The following ALPI variants were observed in gnomAD, a reference collection of about 807,000 sequenced individuals.
The protein encoded by ALPI is intestinal-type alkaline phosphatase.
In ALPI, 50 loss-of-function variants were observed where a neutral mutation model predicts 51.5. That is an observed-to-expected ratio of 0.97 (90% CI 0.77 to 1.23). ALPI has a LOEUF of 1.23. Among genes scored for constraint, ALPI ranks in the 50% most tolerant of loss-of-function variants. The pLI, the probability that ALPI is intolerant of heterozygous loss-of-function variation, is 0.00. For synonymous variants in ALPI, 322 were observed against 308.2 expected (o/e 1.04, Z -0.47); for missense variants, 692 against 722.4 (o/e 0.96, Z 0.48).
Position 232,456,857 on chromosome 2 carries a change from G to A in ALPI, c.301-42G>A, listed in dbSNP as rs1187714146. The A allele has an allele frequency of 1.9e-6, 3 of 1,609,084 alleles. No homozygotes were observed. Among genetic ancestry groups the A allele is most frequent in the Non-Finnish European group, 2.5e-6 (3 of 1,177,422 alleles). On this transcript the variant is annotated intron_variant, in intron 3 of 10. Transcript: ENST00000295463. The surrounding 1 kb of genome is among the most constrained non-coding windows in gnomAD (Gnocchi z 4.2). The stretch of plus-strand genomic sequence containing the variant: ...AACCAGGTCCTTGGTTGGGGTCTGG[G>A]TGTCCGCCCCGAAGTAGAGCTCAGG...
rs1204392379 is a variant in ALPI, at chr2:232,457,725, G to C, written c.783+26G>C. ...GTGATGGGGGCTGGTGGGTGTGGGA[G>C]GCACGGCAGGGGGAGGCCAAGTGTG... On this transcript the variant is annotated intron_variant, in intron 6 of 10. Coordinates refer to ENST00000295463, the MANE Select transcript of ALPI (RefSeq NM_001631.5). The surrounding 1 kb of genome is among the most constrained non-coding windows in gnomAD (Gnocchi z 4.7). 1.2e-6 allele frequency: 2 copies of C among 1,610,722 alleles called. No individual in the cohort carries two copies. The highest frequency in any genetic ancestry group is 1.1e-5 in the South Asian group (1 of 90,780).
In ALPI at chr2:232,457,864, A is replaced by T; in HGVS notation, c.853A>T (p.Met285Leu). ...CCTGGACCAGTCTGTGACCCATCTC[A>T]TGGGTAATGACCCCCTTCCTGCCCT... Reference protein sequence around the residue: ...ASLDQSVTHLMGLFEPGDTKY... With the variant: ...ASLDQSVTHLLGLFEPGDTKY... Residue 285 changes from methionine to leucine, a missense_variant, in exon 7 of 11, where the codon ATG becomes TTG. Transcript: ENST00000295463. The surrounding 1 kb of genome is among the most constrained non-coding windows in gnomAD (Gnocchi z 4.7). 1 of 1,613,608 alleles carries T rather than the reference A, an allele frequency of 6.2e-7. No homozygotes were observed. The highest frequency in any genetic ancestry group is 8.5e-7 in the Non-Finnish European group (1 of 1,179,670).
Position 232,459,503 on chromosome 2 carries a change from A to C in ALPI, c.*357A>C. 7.4e-6 allele frequency: 2 copies of C among 269,300 alleles called. No individual in the cohort carries two copies. The highest frequency in any genetic ancestry group is 1.4e-5 in the Non-Finnish European group (2 of 141,086). 16.7% of individuals were successfully genotyped at this position (269,300 alleles called of 1,614,324 possible). On this transcript the variant is annotated 3_prime_UTR_variant, in exon 11 of 11. Transcript: ENST00000295463. Reference sequence around the variant, plus strand: ...CCAACCCCCACCCTGCCTCTATCCTAAGGAAGACCAAGCAGGCCTGGACCC... The same window carrying C: ...CCAACCCCCACCCTGCCTCTATCCTCAGGAAGACCAAGCAGGCCTGGACCC...
Position 232,459,542 on chromosome 2 carries a change from A to C in ALPI, c.*396A>C. ...AGGCCTGGACCCAGAGACGTCCCCC[A>C]TCGTGGGACACGACACACCCAGACC... On this transcript the variant is annotated 3_prime_UTR_variant, in exon 11 of 11. Transcript: ENST00000295463. 1 of 204,704 alleles carries C rather than the reference A, an allele frequency of 4.9e-6. No individual in the cohort carries two copies. The highest frequency in any genetic ancestry group is 9.8e-6 in the Non-Finnish European group (1 of 102,336). 12.7% of individuals were successfully genotyped at this position (204,704 alleles called of 1,614,324 possible). A position where few individuals can be genotyped will look rare whatever the true frequency, so the allele number is the denominator to read the frequency against.
In ALPI at chr2:232,457,258, C is replaced by T. The variant is rs765339631; in HGVS notation, c.584C>T (p.Ala195Val). 1.2e-6 allele frequency: 2 copies of T among 1,613,312 alleles called. No homozygotes were observed. The highest frequency in any genetic ancestry group is 1.3e-5 in the African/African-American group (1 of 74,930). The change falls in exon 5 of 11, where the codon GCC (alanine) becomes GTC (valine). Residue 195 changes from alanine to valine, a missense_variant. Physicochemically the swap from Ala to Val is moderately conservative, Grantham distance 64 (BLOSUM62 0). Coordinates refer to ENST00000295463, the MANE Select transcript of ALPI (RefSeq NM_001631.5). The surrounding 1 kb of genome is among the most constrained non-coding windows in gnomAD (Gnocchi z 4.7). ...RNWYSDADMP[A>V]SARQEGCQDI... ...TGGTACTCAGATGCTGACATGCCTG[C>T]CTCAGCCCGCCAGGAGGGGTGCCAG...
In ALPI at chr2:232,458,925, G is replaced by T. The variant is rs150732356; in HGVS notation, c.1366G>T (p.Val456Leu). 7 of 1,609,570 alleles carry T rather than the reference G, an allele frequency of 4.3e-6. No individual in the cohort carries two copies. The highest frequency in any genetic ancestry group is 1.7e-5 in the Admixed American group (1 of 59,624). ...LSSETHGGED[V>L]AVFARGPQAH... ...GTCCGAGACCCACGGAGGCGAAGAC[G>T]TGGCGGTGTTTGCGCGCGGCCCGCA... is the stretch of plus-strand genomic sequence containing the variant. Residue 456 changes from valine to leucine, a missense_variant, in exon 11 of 11, where the codon GTG becomes TTG. By Grantham distance (32) the Val-to-Leu change is conservative (BLOSUM62 1). Transcript: ENST00000295463.
chr2:232,456,712 C>T lies in ALPI; in HGVS notation c.300+17C>T. The T allele has an allele frequency of 4.4e-6, 7 of 1,581,626 alleles. No individual in the cohort carries two copies. Among genetic ancestry groups the T allele is most frequent in the Non-Finnish European group, 6.0e-6 (7 of 1,163,564 alleles). ...CTGTCCAAGGTAAGGGCTGGGCCAC[C>T]TCAGAGTCCTCCAAGCAGAGGAGAG... On this transcript the variant is annotated intron_variant, in intron 3 of 10. Transcript: ENST00000295463. This position sits in a 1 kb window ranked among gnomAD's most constrained non-coding sequence, Gnocchi z 4.2.
In ALPI at chr2:232,457,013, C is replaced by T. The variant is rs749694571; in HGVS notation, c.415C>T (p.Gln139Ter). ...CTTGAGTGCAGCCGCCCGCTTTAACCAGTGCAACACGACACGCGGCAATGA... is the reference window on the plus strand; with the variant it reads ...CTTGAGTGCAGCCGCCCGCTTTAACTAGTGCAACACGACACGCGGCAATGA... ...IGLSAAARFN[Q>*]CNTTRGNEVI... The change falls in exon 4 of 11, where the codon CAG becomes TAG. Residue 139 changes from glutamine to a stop codon, truncating the protein, a stop_gained. Coordinates refer to ENST00000295463, the MANE Select transcript of ALPI (RefSeq NM_001631.5). LOFTEE classifies it high-confidence loss of function. The surrounding 1 kb of genome is among the most constrained non-coding windows in gnomAD (Gnocchi z 4.7). 6.2e-7 allele frequency: 1 copy of T among 1,613,620 alleles called. No homozygotes were observed.
In ALPI at chr2:232,459,248, G is replaced by C. The variant is rs1364883565; in HGVS notation, c.*102G>C. The C allele has an allele frequency of 7.1e-7, 1 of 1,413,798 alleles. No homozygotes were observed. Among genetic ancestry groups the C allele is most frequent in the Non-Finnish European group, 9.3e-7 (1 of 1,070,454 alleles). 87.6% of individuals were successfully genotyped at this position (1,413,798 alleles called of 1,614,324 possible). On this transcript the variant is annotated 3_prime_UTR_variant, in exon 11 of 11. Coordinates refer to ENST00000295463, the MANE Select transcript of ALPI (RefSeq NM_001631.5). ...AGCGAACACACACAGGTGTCCTGCCGTTGGACCTTCACCTCCTAGAGATAA... is the reference window on the plus strand; with the variant it reads ...AGCGAACACACACAGGTGTCCTGCCCTTGGACCTTCACCTCCTAGAGATAA...
rs757332360 is a variant in ALPI at position 232,456,945 on chromosome 2, C to T, written c.347C>T (p.Thr116Met). 2.8e-5 allele frequency: 45 copies of T among 1,613,598 alleles called. No homozygotes were observed. The highest frequency in any genetic ancestry group is 1.5e-4 in the South Asian group (14 of 91,092). ...GTGCCAGACAGCGCAGCCACAGCCA[C>T]GGCCTACCTGTGCGGGGTCAAGGCC... Reference protein sequence around the residue: ...RQVPDSAATATAYLCGVKANF... With the variant: ...RQVPDSAATAMAYLCGVKANF... The change falls in exon 4 of 11, where the codon ACG (threonine) becomes ATG (methionine). Residue 116 changes from threonine to methionine, a missense_variant. Physicochemically the swap from Thr to Met is moderately conservative, Grantham distance 81. Coordinates refer to ENST00000295463, the MANE Select transcript of ALPI (RefSeq NM_001631.5). This position sits in a 1 kb window ranked among gnomAD's most constrained non-coding sequence, Gnocchi z 4.2.
At position 232,458,698 on chromosome 2, in the gene ALPI, G is replaced by A. The variant is rs1282800037; in HGVS notation, c.1250G>A (p.Gly417Asp). 3 of 1,613,894 alleles carry A rather than the reference G, an allele frequency of 1.9e-6. No individual in the cohort carries two copies. Among genetic ancestry groups the A allele is most frequent in the Non-Finnish European group, 2.5e-6 (3 of 1,180,040 alleles). ...YTSILYGNGP[G>D]YVFNSGVRPD... ...TCCATCCTGTACGGCAATGGCCCGG[G>A]CTACGTGTTCAACTCAGGCGTGCGA... is the stretch of plus-strand genomic sequence containing the variant. Residue 417 changes from glycine to aspartate, a missense_variant, in exon 10 of 11, where the codon GGC (glycine) becomes GAC (aspartate). Physicochemically the swap from Gly to Asp is moderately conservative, Grantham distance 94. Transcript: ENST00000295463.
chr2:232,456,853 C>T lies in ALPI; in HGVS notation c.301-46C>T, dbSNP rs1468702008. On this transcript the variant is annotated intron_variant, in intron 3 of 10. Coordinates refer to ENST00000295463, the MANE Select transcript of ALPI (RefSeq NM_001631.5). The surrounding 1 kb of genome is among the most constrained non-coding windows in gnomAD (Gnocchi z 4.2). Reference sequence around the variant, plus strand: ...CCAGAACCAGGTCCTTGGTTGGGGTCTGGGTGTCCGCCCCGAAGTAGAGCT... The same window carrying T: ...CCAGAACCAGGTCCTTGGTTGGGGTTTGGGTGTCCGCCCCGAAGTAGAGCT... The T allele has an allele frequency of 1.2e-6, 2 of 1,607,860 alleles. No homozygotes were observed. Among genetic ancestry groups the T allele is most frequent in the Non-Finnish European group, 1.7e-6 (2 of 1,176,788 alleles).
Position 232,456,514 on chromosome 2 carries a change from C to T in ALPI, c.184+49C>T, listed in dbSNP as rs778604684. The T allele has an allele frequency of 1.6e-5, 25 of 1,611,586 alleles. No individual in the cohort carries two copies. Among genetic ancestry groups the T allele is most frequent in the Admixed American group, 5.0e-5 (3 of 59,888 alleles). Reference sequence around the variant, plus strand: ...CCCCGTAGTCCTCACAGCCCCGGCACCCGGGACCTTCAGTGGTTCCAGGAC... The same window carrying T: ...CCCCGTAGTCCTCACAGCCCCGGCATCCGGGACCTTCAGTGGTTCCAGGAC... On this transcript the variant is annotated intron_variant, in intron 2 of 10. Coordinates refer to ENST00000295463, the MANE Select transcript of ALPI (RefSeq NM_001631.5). This position sits in a 1 kb window ranked among gnomAD's most constrained non-coding sequence, Gnocchi z 4.2.
rs1450636069 is a variant in ALPI at position 232,460,328 on chromosome 2, GA to G, written c.*1183del. Among the ~76,000 whole-genome samples the G allele has an allele frequency of 5.9e-5, 9 of 152,062 alleles. No individual in the cohort carries two copies. The highest frequency in any genetic ancestry group is 1.3e-4 in the Non-Finnish European group (9 of 68,024). The stretch of plus-strand genomic sequence containing the variant: ...CATGGGGGACTGTGAAGTCTGGTTA[GA>G]GGGGTGTGGTTGGAGGTCTTTGAGG... On this transcript the variant is annotated 3_prime_UTR_variant, in exon 11 of 11. Coordinates refer to ENST00000295463, the MANE Select transcript of ALPI (RefSeq NM_001631.5).
At position 232,456,969 on chromosome 2, in the gene ALPI, C is replaced by T. The variant is rs771730709; in HGVS notation, c.371C>T (p.Ala124Val). The change falls in exon 4 of 11, where the codon GCC (alanine) becomes GTC (valine). Residue 124 changes from alanine (A) to valine (V), a missense_variant. By Grantham distance (64) the Ala-to-Val change is moderately conservative. Transcript: ENST00000295463. The surrounding 1 kb of genome is among the most constrained non-coding windows in gnomAD (Gnocchi z 4.2). ...ACGGCCTACCTGTGCGGGGTCAAGG[C>T]CAACTTCCAGACCATCGGCTTGAGT... The part of the protein sequence containing the change: ...TATAYLCGVK[A>V]NFQTIGLSAA... 6.8e-6 allele frequency: 11 copies of T among 1,613,646 alleles called. No individual in the cohort carries two copies. The Admixed American group carries it at 8.3e-5, about 12-fold the overall frequency.
rs1690179862 is a variant in ALPI, at chr2:232,456,209, C to T, written c.10C>T (p.Pro4Ser). ...CTGCTGCCCCCAAGACATGCAGGGGCCCTGGGTGCTGCTGCTGCTGGGCCT... is the reference window on the plus strand; with the variant it reads ...CTGCTGCCCCCAAGACATGCAGGGGTCCTGGGTGCTGCTGCTGCTGGGCCT... Reference protein sequence around the residue: MQGPWVLLLLGLRL... With the variant: MQGSWVLLLLGLRL... Residue 4 changes from proline to serine, a missense_variant, in exon 1 of 11, where the codon CCC (proline) becomes TCC (serine). Coordinates refer to ENST00000295463, the MANE Select transcript of ALPI (RefSeq NM_001631.5). This position sits in a 1 kb window ranked among gnomAD's most constrained non-coding sequence, Gnocchi z 4.2. 1.2e-6 allele frequency: 2 copies of T among 1,613,392 alleles called. No homozygotes were observed. Among genetic ancestry groups the T allele is most frequent in the Admixed American group, 1.7e-5 (1 of 60,000 alleles).
Position 232,457,324 on chromosome 2 carries a change from T to C in ALPI, c.648+2T>C, listed in dbSNP as rs1234055598. The C allele has an allele frequency of 1.2e-6, 2 of 1,600,192 alleles. No homozygotes were observed. Among genetic ancestry groups the C allele is most frequent in the South Asian group, 2.3e-5 (2 of 88,190 alleles). ...CTCATCTCCAACATGGACATTGACG[T>C]GCGACCCCCGGGCCAAGGGCTGGGG... On this transcript the variant is annotated splice_donor_variant, in intron 5 of 10. Transcript: ENST00000295463. LOFTEE classifies it high-confidence loss of function. The surrounding 1 kb of genome is among the most constrained non-coding windows in gnomAD (Gnocchi z 4.7).
Position 232,456,536 on chromosome 2 carries a change from G to A in ALPI, c.185-44G>A. ...GCACCCGGGACCTTCAGTGGTTCCA[G>A]GACAACCCTGGGGCCCAGGACTCAC... On this transcript the variant is annotated intron_variant, in intron 2 of 10. Transcript: ENST00000295463. This position sits in a 1 kb window ranked among gnomAD's most constrained non-coding sequence, Gnocchi z 4.2. 1 of 1,610,658 alleles carries A rather than the reference G, an allele frequency of 6.2e-7. No individual in the cohort carries two copies. The highest frequency in any genetic ancestry group is 8.5e-7 in the Non-Finnish European group (1 of 1,178,412).
In ALPI at chr2:232,456,980, A is replaced by G. The variant is rs766407990; in HGVS notation, c.382A>G (p.Thr128Ala). The G allele has an allele frequency of 4.3e-6, 7 of 1,613,606 alleles. No homozygotes were observed. The highest frequency in any genetic ancestry group is 5.1e-6 in the Non-Finnish European group (6 of 1,180,034). Residue 128 changes from threonine to alanine, a missense_variant, in exon 4 of 11, where the codon ACC becomes GCC. Physicochemically the swap from Thr to Ala is moderately conservative, Grantham distance 58. Coordinates refer to ENST00000295463, the MANE Select transcript of ALPI (RefSeq NM_001631.5). This position sits in a 1 kb window ranked among gnomAD's most constrained non-coding sequence, Gnocchi z 4.2. ...GTGCGGGGTCAAGGCCAACTTCCAG[A>G]CCATCGGCTTGAGTGCAGCCGCCCG... ...YLCGVKANFQ[T>A]IGLSAAARFN... is the part of the protein sequence containing the mutation.
Sources: gnomAD v4.1 joint callset for allele counts (sites outside exome capture counted in the v4.1 genomes callset) on GRCh38, gnomAD v4.1.1 for gene constraint, Gnocchi (gnomAD v3.1) non-coding constraint, MANE v1.5 for transcripts, NCBI Gene and HGNC (gene_info 2026-07-23, HGNC 2026-07-21) for gene names.